The following SCAMP5 variants were observed in gnomAD, a reference collection of about 807,000 sequenced individuals.
SCAMP5 encodes secretory carrier-associated membrane protein 5.
A neutral mutation model predicts 28.3 loss-of-function variants in SCAMP5; 7 were observed. The ratio of observed to expected loss-of-function variants is 0.25; its 90% confidence interval spans 0.14 to 0.46. The LOEUF (loss-of-function observed/expected upper bound fraction) is 0.46. SCAMP5 is among the 20% of genes least tolerant of loss of function. The probability of loss-of-function intolerance (pLI) is 0.99; values close to 1 mark genes in which losing one functional copy is unlikely to be tolerated. For missense variants in SCAMP5, 192 were observed against 312.5 expected, an observed-to-expected ratio of 0.61 and a Z score of 2.91; for synonymous variants, 117 against 116.4, an observed-to-expected ratio of 1.00 and a Z score of -0.03.
intron 1 of SCAMP5, among the ~76,000 whole-genome samples, chr15:75,009,219 G>A (rs536182240): frequency 2.3e-4 from 35 of 152,176 alleles, no homozygotes; most frequent in African/African-American, 8.4e-4. Flanking sequence ...CCTATTGATG[G>A]TTTCTAATCC....
At chr15:75,012,631 G>T (rs775781686) in intron 2 of SCAMP5, 46 bp from the exon 3 acceptor site, 3 of 1,611,410 alleles carry the variant, frequency 1.9e-6, no homozygotes, top group East Asian at 2.2e-5. Context: ...TTGGATTGTC[G>T]GGTGGAAGAC....
chr15:75,001,296 C>G (rs1412026241), intron 1 of SCAMP5, among the ~76,000 whole-genome samples: 1 of 140,164 alleles, frequency 7.1e-6, no homozygotes, highest in African/African-American at 2.7e-5. Flanking sequence ...AAAAAAGATT[C>G]AGATCCAATA....
chr15:75,012,055 T>A (rs1188964765), intron 2 of SCAMP5, among the ~76,000 whole-genome samples: 1 of 152,244 alleles, frequency 6.6e-6, no homozygotes, highest in Non-Finnish European at 1.5e-5. Flanking sequence ...TTTGGTCCTA[T>A]GGACCAGGAA....
intron 1 of SCAMP5, among the ~76,000 whole-genome samples, chr15:75,010,523 T>A (rs150883470): frequency 3.2e-4 from 49 of 152,342 alleles, no homozygotes; most frequent in Non-Finnish European, 6.0e-4. Flanking sequence ...CCATAGTGGC[T>A]TTCTTTCCCT....
chr15:75,006,143 G>A (rs189893117), intron 1 of SCAMP5, among the ~76,000 whole-genome samples: 5 of 150,746 alleles, frequency 3.3e-5, no homozygotes, highest in African/African-American at 7.3e-5. Context: ...GATTACAGGC[G>A]CCCGCCACCA....
intron 4 of SCAMP5, 119 bp downstream of exon 4, chr15:75,016,868 C>A: frequency 1.0e-6 from 1 of 964,388 alleles, no homozygotes. Flanking sequence ...CTCACTTTCC[C>A]TTGCTCACCT....
intron 3 of SCAMP5, among the ~76,000 whole-genome samples, 172 bp from the exon 4 acceptor site, chr15:75,016,420 TG>T (rs2141454325): frequency 6.6e-6 from 1 of 152,286 alleles, no homozygotes; most frequent in South Asian, 2.1e-4. Context: ...TGTGTGGGTG[TG>T]AATCTGTGAA....
In SCAMP5 at chr15:74,995,605, C is replaced by G. The variant is rs969524246; in HGVS notation, c.-117C>G. On this transcript the variant is annotated 5_prime_UTR_variant, in exon 1 of 7. Coordinates refer to ENST00000425597, the MANE Select transcript of SCAMP5 (RefSeq NM_138967.4). Reference sequence around the variant, plus strand: ...GAGCGGCTCGCGGCCGGCTCCGCGCCGCATCGCTCGGGTGCAGCGCAGCTC... The same window carrying G: ...GAGCGGCTCGCGGCCGGCTCCGCGCGGCATCGCTCGGGTGCAGCGCAGCTC... 1.9e-4 allele frequency: 28 copies of G among 146,210 alleles called. No homozygotes were observed. The highest frequency in any genetic ancestry group is 1.7e-3 in the Admixed American group (25 of 14,742). 9.1% of individuals were successfully genotyped at this position (146,210 alleles called of 1,614,324 possible). A position where few individuals can be genotyped will look rare whatever the true frequency, so the allele number is the denominator to read the frequency against.
intron 2 of SCAMP5, among the ~76,000 whole-genome samples, chr15:75,012,242 A>G (rs1346110412): frequency 6.6e-6 from 1 of 152,188 alleles, no homozygotes; most frequent in African/African-American, 2.4e-5. Context: ...GGGACCGTGT[A>G]GCCCAGCCCC....
In SCAMP5 at chr15:75,019,014, G is replaced by T. The variant is rs1159326602; in HGVS notation, c.*31G>T. ...CCACGCCTACCAGGTGGCAGAGCTG[G>T]GGCCATTGGGACAGGGGGCTCAAGC... On this transcript the variant is annotated 3_prime_UTR_variant, in exon 7 of 7. Transcript: ENST00000425597. The T allele has an allele frequency of 6.9e-7, 1 of 1,447,348 alleles. No homozygotes were observed. The highest frequency in any genetic ancestry group is 1.5e-5 in the African/African-American group (1 of 68,880). 89.7% of individuals were successfully genotyped at this position (1,447,348 alleles called of 1,614,324 possible).
In SCAMP5 at chr15:75,012,572, T is replaced by G. The variant is rs369258533; in HGVS notation, c.8-105T>G. On this transcript the variant is annotated intron_variant, in intron 2 of 6. Coordinates refer to ENST00000425597, the MANE Select transcript of SCAMP5 (RefSeq NM_138967.4). ...TGGGTGGGGAAAGCAGAGTGGCCGG[T>G]GGCCACAGGGGCCAATGGGGCAGCA... 1,959 of 1,335,566 alleles carry G rather than the reference T, an allele frequency of 1.5e-3. 2 individuals carry two copies. Among genetic ancestry groups the G allele is most frequent in the Admixed American group, 7.7e-3 (397 of 51,306 alleles). The allele number at this position is 1,335,566 out of a possible 1,614,324, so 82.7% of individuals were successfully genotyped here. A position where few individuals can be genotyped will look rare whatever the true frequency, so the allele number is the denominator to read the frequency against.
intron 3 of SCAMP5, among the ~76,000 whole-genome samples, chr15:75,014,760 A>G (rs1393291660): frequency 1.3e-5 from 2 of 152,220 alleles, no homozygotes; most frequent in Admixed American, 6.5e-5. Flanking sequence ...ATGGGTATCC[A>G]TTCCAGAGAG....
chr15:75,010,818 C>T (rs1401543381), intron 1 of SCAMP5, among the ~76,000 whole-genome samples: 4 of 151,822 alleles, frequency 2.6e-5, no homozygotes, highest in Non-Finnish European at 5.9e-5. Flanking sequence ...TAGTAAGGAA[C>T]TGTCCCTGTA....
intron 4 of SCAMP5, chr15:75,017,629 G>A (rs1011133967): frequency 3.2e-4 from 191 of 591,782 alleles, no homozygotes; most frequent in Non-Finnish European, 3.3e-5. Flanking sequence ...GTCCATCCAT[G>A]TACCAGTGGG....
intron 1 of SCAMP5, among the ~76,000 whole-genome samples, chr15:75,005,037 T>C (rs1595882678): frequency 6.6e-6 from 1 of 152,064 alleles, no homozygotes; most frequent in Non-Finnish European, 1.5e-5. Context: ...TAGCTGGGTG[T>C]GGTGGCGTGC....
chr15:75,021,275 C>A lies in SCAMP5; in HGVS notation c.*2292C>A, dbSNP rs1262246091. On this transcript the variant is annotated 3_prime_UTR_variant, in exon 7 of 7. Transcript: ENST00000425597. ...CAGTATGAGAAGTGGGGGCAGGGCA[C>A]ACATTCATCTTTGTAGGAAGGTCTG... 1 of 152,234 alleles carries A rather than the reference C, an allele frequency of 6.6e-6. No individual in the cohort carries two copies. The highest frequency in any genetic ancestry group is 1.5e-5 in the Non-Finnish European group (1 of 68,138). The allele number at this position is 152,234 out of a possible 1,614,324, so 9.4% of individuals were successfully genotyped here. A position where few individuals can be genotyped will look rare whatever the true frequency, so the allele number is the denominator to read the frequency against.
chr15:75,009,441 TTGTGTGTGTGTGTGTGTG>T (rs3057655), intron 1 of SCAMP5, among the ~76,000 whole-genome samples: 3 of 136,062 alleles, frequency 2.2e-5, no homozygotes, highest in Non-Finnish European at 4.7e-5. Context: ...TGCTAGAAGT[TTGTGTGTGTGTGTGTGTG>T]TGTGTGTGTG....
chr15:75,015,644 T>C (rs757388000), intron 3 of SCAMP5, among the ~76,000 whole-genome samples: 11 of 152,144 alleles, frequency 7.2e-5, no homozygotes, highest in Non-Finnish European at 8.8e-5. Flanking sequence ...ATAGATTAGA[T>C]AGCTGGGCAC....
At chr15:75,009,865 C>A (rs972742196) in intron 1 of SCAMP5, 21 of 152,188 alleles carry the variant, frequency 1.4e-4, no homozygotes, top group African/African-American at 5.1e-4. Flanking sequence ...AGAATGTTCA[C>A]AAAATCCATA....
Sources: gnomAD v4.1 joint callset for allele counts (sites outside exome capture counted in the v4.1 genomes callset) on GRCh38, gnomAD v4.1.1 for gene constraint, MANE v1.5 for transcripts, NCBI Gene and HGNC (gene_info 2026-07-23, HGNC 2026-07-21) for gene names.